ARHGAP15: variants seen among roughly 807,000 people sequenced by gnomAD.
ARHGAP15 encodes the protein Rho GTPase activating protein 15.
In ARHGAP15, 51 loss-of-function variants were observed where a neutral mutation model predicts 63.7. That is an observed-to-expected ratio of 0.80 (90% confidence interval 0.64 to 1.01). The LOEUF (loss-of-function observed/expected upper bound fraction) is 1.01. Among genes scored for constraint, ARHGAP15 ranks in the 50% least tolerant of loss-of-function variants. The pLI, the probability that ARHGAP15 is intolerant of heterozygous loss-of-function variation, is 0.00. For missense variants in ARHGAP15, 560 were observed against 564.6 expected (o/e 0.99, Z 0.08); for synonymous variants, 191 against 193.8 (o/e 0.99, Z 0.12).
intron 12 of ARHGAP15, among the ~76,000 whole-genome samples, chr2:143,642,295 T>C (rs1402448790): frequency 8.6e-5 from 13 of 151,982 alleles, no homozygotes; most frequent in Admixed American, 8.5e-4. Flanking sequence ...GAGTAGATAA[T>C]GTTGGGGGGG....
chr2:143,359,427 C>T (rs1308286526), intron 6 of ARHGAP15, among the ~76,000 whole-genome samples: 1 of 152,142 alleles, frequency 6.6e-6, no homozygotes, highest in East Asian at 1.9e-4. Context: ...TTTCTATTGC[C>T]TCTTTTTTTG....
chr2:143,282,923 T>G (rs1450561390), intron 6 of ARHGAP15, among the ~76,000 whole-genome samples: 3 of 152,150 alleles, frequency 2.0e-5, no homozygotes, highest in Non-Finnish European at 4.4e-5. Flanking sequence ...AGCCAGCCCT[T>G]CAATACAATC....
chr2:143,746,506 C>A (rs1397892157), intron 13 of ARHGAP15, among the ~76,000 whole-genome samples: 10 of 152,144 alleles, frequency 6.6e-5, no homozygotes, highest in Admixed American at 6.5e-4. Flanking sequence ...TTGGGGAGTA[C>A]CTCACTTCTG....
At chr2:143,621,511 C>A (rs1698646281) in intron 11 of ARHGAP15, among the ~76,000 whole-genome samples, 2 of 152,050 alleles carry the variant, frequency 1.3e-5, no homozygotes, top group Admixed American at 6.6e-5. Context: ...GGGATCTTAA[C>A]CTTGGTTGAT....
chr2:143,269,412 A>C (rs192818873), intron 6 of ARHGAP15, among the ~76,000 whole-genome samples: 1 of 152,188 alleles, frequency 6.6e-6, no homozygotes, highest in South Asian at 2.1e-4. Context: ...TTTCACTATC[A>C]TAGTGATTTG....
intron 9 of ARHGAP15, among the ~76,000 whole-genome samples, chr2:143,518,235 G>A (rs1693906104): frequency 1.3e-5 from 2 of 152,174 alleles, no homozygotes; most frequent in South Asian, 2.1e-4. Flanking sequence ...AATACTGCAG[G>A]CCAGAGTCTG....
intron 10 of ARHGAP15, among the ~76,000 whole-genome samples, chr2:143,537,463 T>C (rs913547906): frequency 2.0e-5 from 3 of 152,230 alleles, no homozygotes; most frequent in Non-Finnish European, 2.9e-5. Context: ...CATGCTTATG[T>C]CTTGAATGGT....
intron 8 of ARHGAP15, among the ~76,000 whole-genome samples, chr2:143,475,794 G>A (rs1053952772): frequency 4.6e-5 from 7 of 152,238 alleles, no homozygotes; most frequent in African/African-American, 1.2e-4. Flanking sequence ...AGGAGAAATC[G>A]TTGTCTAGAA....
intron 2 of ARHGAP15, among the ~76,000 whole-genome samples, chr2:143,157,007 T>G (rs1690108165): frequency 6.6e-6 from 1 of 151,964 alleles, no homozygotes. Flanking sequence ...GCCTAACATA[T>G]TTTATTGGCT....
chr2:143,607,791 A>T (rs1388292676), intron 11 of ARHGAP15: 1 of 152,172 alleles, frequency 6.6e-6, no homozygotes, highest in Non-Finnish European at 1.5e-5. Context: ...TTCGGATATA[A>T]ATCATCATTT....
chr2:143,629,205 T>C (rs1171903537), intron 12 of ARHGAP15, among the ~76,000 whole-genome samples: 1 of 151,862 alleles, frequency 6.6e-6, no homozygotes, highest in Non-Finnish European at 1.5e-5. Flanking sequence ...AAAAACCCCA[T>C]TAATATCATA....
chr2:143,691,381 C>T (rs897876467), intron 12 of ARHGAP15, among the ~76,000 whole-genome samples: 17 of 152,276 alleles, frequency 1.1e-4, no homozygotes, highest in Middle Eastern at 3.4e-3. Context: ...GGCATCTTAA[C>T]GCACGGCTAA....
At chr2:143,719,970 A>T (rs912984322) in intron 13 of ARHGAP15, among the ~76,000 whole-genome samples, 2 of 152,196 alleles carry the variant, frequency 1.3e-5, no homozygotes, top group South Asian at 2.1e-4. Context: ...ACACCCTATA[A>T]TAAGTTAGAT....
intron 6 of ARHGAP15, among the ~76,000 whole-genome samples, chr2:143,397,965 T>A (rs972769817): frequency 6.6e-6 from 1 of 151,864 alleles, no homozygotes; most frequent in Non-Finnish European, 1.5e-5. Context: ...GAGTGTAGAC[T>A]CTCATCATTA....
intron 6 of ARHGAP15, 60 bp downstream of exon 6, chr2:143,250,660 G>T: frequency 7.0e-7 from 1 of 1,423,572 alleles, no homozygotes; most frequent in Non-Finnish European, 9.8e-7. Flanking sequence ...GCTCTCTTGG[G>T]TAACTAAAAT....
chr2:143,471,217 C>T lies in ARHGAP15; in HGVS notation c.704-16156C>T, dbSNP rs1248433133. On this transcript the variant is annotated intron_variant, in intron 8 of 13. Coordinates refer to ENST00000295095, the MANE Select transcript of ARHGAP15 (RefSeq NM_018460.4). ...ACACACATATATGTGTGTATATATA[C>T]ACACACATGTGTATGTGTATATGTG... Among the ~76,000 whole-genome samples the T allele has an allele frequency of 1.5e-4, 22 of 143,516 alleles. 1 individual carries two copies. The highest frequency in any genetic ancestry group is 1.4e-3 in the Admixed American group (21 of 14,554). 94.2% of individuals were successfully genotyped at this position (143,516 alleles called of 152,430 possible).
chr2:143,600,805 G>A (rs964233789), intron 11 of ARHGAP15, among the ~76,000 whole-genome samples: 1 of 152,032 alleles, frequency 6.6e-6, no homozygotes. Flanking sequence ...TTGATTTTAG[G>A]TAAAAGATTC....
intron 6 of ARHGAP15, among the ~76,000 whole-genome samples, chr2:143,306,631 C>T (rs1025274494): frequency 5.9e-5 from 9 of 152,112 alleles, no homozygotes; most frequent in African/African-American, 1.7e-4. Flanking sequence ...TATAACTAGT[C>T]TGAAGACCAT....
In ARHGAP15 at chr2:143,750,310, G is replaced by A. The variant is rs544679350; in HGVS notation, c.1245-17679G>A. ...CAAAGAATTAGTGGGGCATGATGGC[G>A]CATGCCTATAATCCCAGCCACTCAG... On this transcript the variant is annotated intron_variant, in intron 13 of 13. Coordinates refer to ENST00000295095, the MANE Select transcript of ARHGAP15 (RefSeq NM_018460.4). Among the ~76,000 whole-genome samples, 4 of 152,174 alleles carry A rather than the reference G, an allele frequency of 2.6e-5. No individual in the cohort carries two copies. In the South Asian group the frequency reaches 6.2e-4, roughly 24 times the overall value.
Sources: allele counts gnomAD v4.1 joint callset (sites outside exome capture counted in the v4.1 genomes callset), GRCh38; gene constraint gnomAD v4.1.1; transcripts MANE v1.5; gene names NCBI Gene and HGNC (gene_info 2026-07-23, HGNC 2026-07-21).